SELENOS: variants seen among roughly 807,000 people sequenced by gnomAD.
SELENOS encodes the protein VCP interacting membrane selenoprotein.
Under a neutral mutation model 30.2 loss-of-function variants are expected in SELENOS, and 37 were observed. The ratio of observed to expected loss-of-function variants is 1.23; its 90% CI spans 0.94 to 1.61. The LOEUF is 1.61. SELENOS is among the 40% of genes most tolerant of loss of function. The pLI, the probability that SELENOS is intolerant of heterozygous loss-of-function variation, is 0.00. For missense variants in SELENOS, 289 were observed against 231.8 expected, an observed-to-expected ratio of 1.25 and a Z score of -1.60; for synonymous variants, 119 against 91.6, an observed-to-expected ratio of 1.30 and a Z score of -1.71.
In SELENOS at chr15:101,277,382, C is replaced by T. The variant is rs1166992230; in HGVS notation, c.36G>A (p.Pro12=). ...AGCGCAGCCCCTCGGTCTCCAGGGC[C>T]GGCCGCGCGGACAGAGACTCCTCTT... The part of the protein sequence containing the change: ...ERQEESLSAR[P]ALETEGLRFL... Residue 12 remains proline (P), a synonymous_variant, in exon 1 of 6, where the codon CCG becomes CCA. Coordinates refer to ENST00000526049, the MANE Select transcript of SELENOS (RefSeq NM_018445.6). 1.3e-6 allele frequency: 2 copies of T among 1,505,874 alleles called. No individual in the cohort carries two copies. Among genetic ancestry groups the T allele is most frequent in the Admixed American group, 2.1e-5 (1 of 47,620 alleles). 93.3% of individuals were successfully genotyped at this position (1,505,874 alleles called of 1,614,324 possible).
chr15:101,276,644 G>A lies in SELENOS; in HGVS notation c.108C>T (p.Tyr36=), dbSNP rs748582063. The A allele has an allele frequency of 1.2e-6, 2 of 1,613,302 alleles. No homozygotes were observed. Among genetic ancestry groups the A allele is most frequent in the South Asian group, 2.2e-5 (2 of 91,006 alleles). Residue 36 remains tyrosine (Y), a synonymous_variant, in exon 2 of 6, where the codon TAC becomes TAT. Transcript: ENST00000526049. The stretch of plus-strand genomic sequence containing the variant: ...AGAGAAGGATGCAGCTGAAGACGAT[G>A]TACCAGCCATAGGTGGCCAGCAGGG... ...VGSLLATYGW[Y]IVFSCILLYV...
rs1484167983 is a variant in SELENOS, at chr15:101,275,416, AC to A, written c.212-56del. The A allele has an allele frequency of 8.8e-6, 12 of 1,368,440 alleles. 1 individual carries two copies. The highest frequency in any genetic ancestry group is 2.9e-6 in the Non-Finnish European group (3 of 1,024,076). 84.8% of individuals were successfully genotyped at this position (1,368,440 alleles called of 1,614,324 possible). A position where few individuals can be genotyped will look rare whatever the true frequency, so the allele number is the denominator to read the frequency against. On this transcript the variant is annotated intron_variant, in intron 2 of 5. Transcript: ENST00000526049. ...GCACTGTGTACAATATAAAATAGAA[AC>A]TTTTGAGTGTCCATATTATTAAAAG...
chr15:101,274,772 T>C, intron 3 of SELENOS, 91 bp from the exon 4 acceptor site: 1 of 1,314,894 alleles, frequency 7.6e-7, no homozygotes, highest in South Asian at 1.4e-5. Flanking sequence ...AATTTAAATG[T>C]CTTTCAGAAC....
intron 1 of SELENOS, 174 bp downstream of exon 1, chr15:101,277,168 G>A: frequency 8.7e-7 from 1 of 1,143,268 alleles, no homozygotes; most frequent in Non-Finnish European, 1.3e-6. Flanking sequence ...CGGCTCCCGA[G>A]AAGCCTCCGC....
chr15:101,273,139 G>A (rs773339673), intron 5 of SELENOS, among the ~76,000 whole-genome samples: 1 of 152,080 alleles, frequency 6.6e-6, no homozygotes, highest in Non-Finnish European at 1.5e-5. Flanking sequence ...TCTCTCAAGA[G>A]GGCCTGATTT....
At position 101,276,702 on chromosome 15, in the gene SELENOS, A is replaced by G. The variant is rs534916270; in HGVS notation, c.77-27T>C. On this transcript the variant is annotated intron_variant, in intron 1 of 5. Transcript: ENST00000526049. ...TGAAAAGAAAAACAGTTTTCAAAAAACTAAAAATGACACTACTAGTTGACC... is the reference window on the plus strand; with the variant it reads ...TGAAAAGAAAAACAGTTTTCAAAAAGCTAAAAATGACACTACTAGTTGACC... The G allele has an allele frequency of 1.7e-5, 27 of 1,595,698 alleles. No individual in the cohort carries two copies. In the African/African-American group the frequency reaches 3.2e-4, roughly 19 times the overall value.
Position 101,272,636 on chromosome 15 carries a change from T to C in SELENOS, c.*135A>G, listed in dbSNP as rs2039279756. 2 of 835,878 alleles carry C rather than the reference T, an allele frequency of 2.4e-6. No homozygotes were observed. Among genetic ancestry groups the C allele is most frequent in the Non-Finnish European group, 1.9e-6 (1 of 521,300 alleles). 51.8% of individuals were successfully genotyped at this position (835,878 alleles called of 1,614,324 possible). A position where few individuals can be genotyped will look rare whatever the true frequency, so the allele number is the denominator to read the frequency against. ...CCTTTTGCTGACTGGAGCCCTGACA[T>C]ATGCAGGTGTAGTTAGGAACAGAAA... On this transcript the variant is annotated 3_prime_UTR_variant, in exon 6 of 6. Coordinates refer to ENST00000526049, the MANE Select transcript of SELENOS (RefSeq NM_018445.6).
Position 101,276,657 on chromosome 15 carries a change from G to A in SELENOS, c.95C>T (p.Thr32Ile), listed in dbSNP as rs759347446. ...LHTTVGSLLATYGWYIVFSCI... is the reference protein window; with the variant it reads ...LHTTVGSLLAIYGWYIVFSCI... Reference sequence around the variant, plus strand: ...GCTGAAGACGATGTACCAGCCATAGGTGGCCAGCAGGGAGCCCACTGAAAA... The same window carrying A: ...GCTGAAGACGATGTACCAGCCATAGATGGCCAGCAGGGAGCCCACTGAAAA... Residue 32 changes from threonine (T) to isoleucine (I), a missense_variant, in exon 2 of 6, where the codon ACC (threonine) becomes ATC (isoleucine). Coordinates refer to ENST00000526049, the MANE Select transcript of SELENOS (RefSeq NM_018445.6). The A allele has an allele frequency of 6.2e-6, 10 of 1,608,104 alleles. No homozygotes were observed. The South Asian group carries it at 7.8e-5, about 13-fold the overall frequency.
At chr15:101,274,518 G>GT in intron 4 of SELENOS, 23 bp from the exon 5 acceptor site, 1 of 1,606,980 alleles carries the variant, frequency 6.2e-7, no homozygotes, top group South Asian at 1.1e-5. Context: ...ACACAGTAGT[G>GT]TAAGAAGCAA....
At position 101,276,523 on chromosome 15, in the gene SELENOS, C is replaced by T. The variant is rs780499455; in HGVS notation, c.211+18G>A. ...AGGTGCAAAACCACCGCTTTCATTT[C>T]GGTTATCAGGCACTAACCCACAGCA... On this transcript the variant is annotated intron_variant, in intron 2 of 5. Coordinates refer to ENST00000526049, the MANE Select transcript of SELENOS (RefSeq NM_018445.6). 1.3e-5 allele frequency: 21 copies of T among 1,580,208 alleles called. No homozygotes were observed. The highest frequency in any genetic ancestry group is 1.5e-5 in the Non-Finnish European group (18 of 1,167,722).
At chr15:101,275,111 C>T (rs1274217798) in intron 3 of SELENOS, 144 bp downstream of exon 3, 2 of 657,596 alleles carry the variant, frequency 3.0e-6, no homozygotes, top group South Asian at 2.2e-5. Context: ...CCAATACTTA[C>T]ATGGTAGGAA....
chr15:101,277,157 G>C, intron 1 of SELENOS, 185 bp downstream of exon 1: 3 of 1,028,662 alleles, frequency 2.9e-6, no homozygotes, highest in Non-Finnish European at 4.4e-6. Flanking sequence ...CCAGGGAAGT[G>C]CGGCTCCCGA....
At chr15:101,271,163 C>CA (rs1388119272), downstream of SELENOS, 8 of 152,204 alleles carry the variant, frequency 5.3e-5, no homozygotes, top group Admixed American at 3.3e-4. Flanking sequence ...GTGTAGTTGA[C>CA]AGCCACTTCA....
chr15:101,276,975 CT>C, intron 1 of SELENOS: 1 of 527,350 alleles, frequency 1.9e-6, no homozygotes, highest in Non-Finnish European at 3.4e-6. Flanking sequence ...AGGCAAAGGC[CT>C]TTCAGAGCCA....
chr15:101,274,427 C>CTGAT lies in SELENOS; in HGVS notation c.476_477insATCA (p.Gly160SerfsTer6). On this transcript the variant is annotated frameshift_variant, in exon 5 of 6. Transcript: ENST00000526049. LOFTEE classifies it high-confidence loss of function. ...GACATCAGTGGTGCTTACCTCCTCC[C>CTGAT]CGCAAAGGCTTTCTGTCCGATTTCC... 1 of 1,607,422 alleles carries CTGAT rather than the reference C, an allele frequency of 6.2e-7. No homozygotes were observed. Among genetic ancestry groups the CTGAT allele is most frequent in the Non-Finnish European group, 8.5e-7 (1 of 1,176,650 alleles).
intron 2 of SELENOS, among the ~76,000 whole-genome samples, chr15:101,276,241 ACT>A (rs1491541278): frequency 5.0e-5 from 6 of 119,148 alleles, no homozygotes; most frequent in African/African-American, 2.2e-4. Flanking sequence ...TATACTTCCT[ACT>A]TTTTTTTTTT....
At chr15:101,274,966 G>C in intron 3 of SELENOS, 1 of 573,600 alleles carries the variant, frequency 1.7e-6, no homozygotes, top group Non-Finnish European at 3.0e-6. Context: ...TAATGGGGAA[G>C]ACACAGGCAC....
At position 101,275,284 on chromosome 15, in the gene SELENOS, C is replaced by T. The variant is rs2039311935; in HGVS notation, c.289G>A (p.Val97Ile). ...LKMQEELNAQ[V>I]EKHKEKLKQL... The stretch of plus-strand genomic sequence containing the variant: ...TTCAGTTTTTCCTTATGCTTTTCAA[C>T]TTGCGCATTTAGTTCTTCTTGCATT... The change falls in exon 3 of 6, where the codon GTT (valine) becomes ATT (isoleucine). Residue 97 changes from valine (V) to isoleucine (I), a missense_variant. Coordinates refer to ENST00000526049, the MANE Select transcript of SELENOS (RefSeq NM_018445.6). 2 of 1,571,664 alleles carry T rather than the reference C, an allele frequency of 1.3e-6. No individual in the cohort carries two copies. The highest frequency in any genetic ancestry group is 1.7e-6 in the Non-Finnish European group (2 of 1,157,776).
chr15:101,272,444 G>A lies in SELENOS; in HGVS notation c.*327C>T, dbSNP rs1023700163. ...GTCACAGAGACTGTCCTAGCAGCAA[G>A]GATTTCTAACCTCAAAAGAACATTA... On this transcript the variant is annotated 3_prime_UTR_variant, in exon 6 of 6. Transcript: ENST00000526049. 9 of 244,504 alleles carry A rather than the reference G, an allele frequency of 3.7e-5. No homozygotes were observed. The highest frequency in any genetic ancestry group is 7.3e-5 in the Non-Finnish European group (9 of 123,846). 15.1% of individuals were successfully genotyped at this position (244,504 alleles called of 1,614,324 possible). A position where few individuals can be genotyped will look rare whatever the true frequency, so the allele number is the denominator to read the frequency against.
Sources: allele counts gnomAD v4.1 joint callset (sites outside exome capture counted in the v4.1 genomes callset), GRCh38; gene constraint gnomAD v4.1.1; transcripts MANE v1.5; gene names NCBI Gene and HGNC (gene_info 2026-07-23, HGNC 2026-07-21).